RFPL1: variants seen among roughly 807,000 people sequenced by gnomAD.
The protein encoded by RFPL1 is ret finger protein like 1.
Under a neutral mutation model 9.6 loss-of-function variants are expected in RFPL1, and 6 were observed. The ratio of observed to expected loss-of-function variants is 0.62; its 90% CI spans 0.34 to 1.23. RFPL1 has a LOEUF of 1.23. Ranked by LOEUF, RFPL1 falls within the 50% of genes most tolerant of loss-of-function variation. The pLI, the probability that RFPL1 is intolerant of heterozygous loss-of-function variation, is 0.03. For synonymous variants in RFPL1, 145 were observed against 149.4 expected, an observed-to-expected ratio of 0.97 and a Z score of 0.22; for missense variants, 352 against 398.4, an observed-to-expected ratio of 0.88 and a Z score of 0.99.
chr22:29,419,099 A>G, the RFPL1 span: 2 of 1,178,112 alleles, frequency 1.7e-6, no homozygotes, highest in South Asian at 1.2e-5. Context: ...GACCCAAGCT[A>G]TAAACCCTCC....
At chr22:29,420,376 G>A in the RFPL1 span, among the ~76,000 whole-genome samples, 1 of 152,160 alleles carries the variant, frequency 6.6e-6, no homozygotes, top group East Asian at 1.9e-4. Flanking sequence ...TGTCACCCAG[G>A]CTGGAGTGCA....
chr22:29,415,040 C>T, the RFPL1 span, among the ~76,000 whole-genome samples: 1 of 150,760 alleles, frequency 6.6e-6, no homozygotes, highest in Non-Finnish European at 1.5e-5. Flanking sequence ...GTTCGTCAAG[C>T]AGTTTAAACC....
At chr22:29,433,154 G>A in the RFPL1 span, among the ~76,000 whole-genome samples, 1 of 151,910 alleles carries the variant, frequency 6.6e-6, no homozygotes, top group African/African-American at 2.4e-5. Flanking sequence ...TTAGCCGGGT[G>A]CTGTGGCAGT....
chr22:29,413,291 CT>C, the RFPL1 span, among the ~76,000 whole-genome samples: 2 of 152,036 alleles, frequency 1.3e-5, no homozygotes, highest in Non-Finnish European at 2.9e-5. Flanking sequence ...TCGAGTTTTC[CT>C]TCTTTCCACC....
the RFPL1 span, among the ~76,000 whole-genome samples, chr22:29,428,187 G>T: frequency 6.6e-6 from 1 of 152,028 alleles, no homozygotes; most frequent in Non-Finnish European, 1.5e-5. Flanking sequence ...AAAACGAAAG[G>T]TTCACCAAAA....
chr22:29,441,886 C>T (rs752820179), exon 2 of RFPL1: 16 of 1,613,092 alleles, frequency 9.9e-6, no homozygotes, highest in Admixed American at 5.0e-5. Flanking sequence ...CTTCGTAGAC[C>T]GCAAGTTACA....
At chr22:29,439,355 T>C (rs1264171655) in intron 1 of RFPL1, 191 bp downstream of exon 1, 1 of 882,356 alleles carries the variant, frequency 1.1e-6, no homozygotes, top group Admixed American at 2.9e-5. Context: ...AAAGGCTGGC[T>C]GGGCATGGTG....
chr22:29,405,510 G>T, the RFPL1 span, among the ~76,000 whole-genome samples: 1 of 152,212 alleles, frequency 6.6e-6, no homozygotes, highest in African/African-American at 2.4e-5. Flanking sequence ...AGTAAATGCA[G>T]TAAGCCACCT....
chr22:29,432,158 A>T, the RFPL1 span, among the ~76,000 whole-genome samples: 1 of 152,236 alleles, frequency 6.6e-6, no homozygotes, highest in East Asian at 1.9e-4. Context: ...TTTGCAAGAC[A>T]TTAAGGGCTC....
the RFPL1 span, among the ~76,000 whole-genome samples, chr22:29,397,935 G>T: frequency 6.6e-6 from 1 of 152,218 alleles, no homozygotes; most frequent in Non-Finnish European, 1.5e-5. Flanking sequence ...AGTGTGACAG[G>T]GTGGCTGGGA....
At chr22:29,389,174 T>C in the RFPL1 span, among the ~76,000 whole-genome samples, 5 of 152,050 alleles carry the variant, frequency 3.3e-5, no homozygotes, top group African/African-American at 9.7e-5. Flanking sequence ...CAGAGGGGTC[T>C]CTCTCTGTCC....
the RFPL1 span, among the ~76,000 whole-genome samples, chr22:29,390,582 T>TTTTA: frequency 0.17 from 25,217 of 146,832 alleles, 2,590 homozygotes; most frequent in East Asian, 0.36. Context: ...CTTATTCCAT[T>TTTTA]TTTATTTATT....
chr22:29,433,644 G>A (rs1364987109), upstream of RFPL1: 1 of 152,268 alleles, frequency 6.6e-6, no homozygotes, highest in East Asian at 1.9e-4. Flanking sequence ...AGGGGCATTA[G>A]CTGAATTCTG....
the RFPL1 span, chr22:29,423,160 A>G: frequency 6.7e-7 from 1 of 1,500,996 alleles, no homozygotes; most frequent in South Asian, 1.1e-5. Context: ...TGAGTCAGTC[A>G]TTTTGGTCCC....
At chr22:29,398,352 C>T in the RFPL1 span, among the ~76,000 whole-genome samples, 9 of 152,196 alleles carry the variant, frequency 5.9e-5, no homozygotes, top group Non-Finnish European at 1.3e-4. Context: ...ATGATGATGG[C>T]GGTGCCATTT....
the RFPL1 span, among the ~76,000 whole-genome samples, chr22:29,407,613 T>C: frequency 2.6e-5 from 4 of 151,928 alleles, no homozygotes; most frequent in African/African-American, 9.7e-5. Flanking sequence ...AGATGATCTA[T>C]TTCTCCTGAG....
intron 1 of RFPL1, chr22:29,441,133 C>T (rs1405445613): frequency 5.0e-6 from 1 of 201,890 alleles, no homozygotes; most frequent in African/African-American, 2.3e-5. Context: ...GAATCATGCT[C>T]TATATACTGA....
chr22:29,394,152 C>T, the RFPL1 span, among the ~76,000 whole-genome samples: 5 of 152,090 alleles, frequency 3.3e-5, no homozygotes, highest in Non-Finnish European at 7.4e-5. Flanking sequence ...GTTTTTATAC[C>T]CTGCCCGATT....
the RFPL1 span, among the ~76,000 whole-genome samples, chr22:29,430,624 G>A: frequency 6.6e-6 from 1 of 152,064 alleles, no homozygotes; most frequent in African/African-American, 2.4e-5. Context: ...GCATTTTCAC[G>A]ATCTTGGAGA....
Sources: gnomAD v4.1 joint callset for allele counts (sites outside exome capture counted in the v4.1 genomes callset) on GRCh38, gnomAD v4.1.1 for gene constraint, MANE v1.5 for transcripts, NCBI Gene and HGNC (gene_info 2026-07-23, HGNC 2026-07-21) for gene names.